Variants in TNKS observed in about 807,000 individuals in gnomAD.
The protein encoded by TNKS is tankyrase, also known as poly [ADP-ribose] polymerase tankyrase-1.
In TNKS, 72 loss-of-function variants were observed where a neutral mutation model predicts 135.8. That is an observed-to-expected ratio of 0.53 (90% CI 0.44 to 0.64). TNKS has a LOEUF of 0.64. Ranked by LOEUF, TNKS falls within the 30% of genes least tolerant of loss-of-function variation. The probability of loss-of-function intolerance (pLI) is 0.00; values close to 1 mark genes in which losing one functional copy is unlikely to be tolerated. For synonymous variants in TNKS, 849 were observed against 649.3 expected (o/e 1.31, Z -4.68); for missense variants, 1,769 against 1,674.0 (o/e 1.06, Z -0.99).
At chr8:9,608,022 C>T (rs6651501) in intron 2 of TNKS, among the ~76,000 whole-genome samples, 43,728 of 151,972 alleles carry the variant, frequency 0.29, 6,577 homozygotes, top group East Asian at 0.38. Flanking sequence ...TCACTGCAGC[C>T]TTCACCTCCT....
chr8:9,565,188 T>C (rs1432951007), intron 1 of TNKS, among the ~76,000 whole-genome samples: 1 of 152,334 alleles, frequency 6.6e-6, no homozygotes, highest in African/African-American at 2.4e-5. Flanking sequence ...GGTATCTGTT[T>C]ATAGAATTAA....
Position 9,726,664 on chromosome 8 carries a change from G to C in TNKS, c.1945G>C (p.Asp649His). 1 of 1,613,288 alleles carries C rather than the reference G, an allele frequency of 6.2e-7. No homozygotes were observed. Among genetic ancestry groups the C allele is most frequent in the Non-Finnish European group, 8.5e-7 (1 of 1,179,708 alleles). ...AGAGAGTACACCTATACGTACTTCT[G>C]ATGTTGATTATCGACTCTTAGAGGC... Reference protein sequence around the residue: ...LSESTPIRTSDVDYRLLEASK... With the variant: ...LSESTPIRTSHVDYRLLEASK... Residue 649 changes from aspartate to histidine, a missense_variant, in exon 13 of 27, where the codon GAT (aspartate) becomes CAT (histidine). Transcript: ENST00000310430.
chr8:9,752,909 G>C (rs1266259102), intron 20 of TNKS, among the ~76,000 whole-genome samples: 4 of 150,918 alleles, frequency 2.7e-5, no homozygotes, highest in Admixed American at 6.6e-5. Flanking sequence ...AAACTGCAGT[G>C]AGCTGTGATT....
chr8:9,607,964 G>A (rs1452839513), intron 2 of TNKS, among the ~76,000 whole-genome samples: 1 of 151,404 alleles, frequency 6.6e-6, no homozygotes, highest in Non-Finnish European at 1.5e-5. Flanking sequence ...TTTTAAGACA[G>A]GGTTTCACAT....
intron 3 of TNKS, among the ~76,000 whole-genome samples, chr8:9,642,608 G>A (rs1800767748): frequency 6.8e-6 from 1 of 146,158 alleles, no homozygotes; most frequent in Non-Finnish European, 1.5e-5. Flanking sequence ...ATCTTTCAGT[G>A]TTCTTGAAAT....
Position 9,746,531 on chromosome 8 carries a change from T to G in TNKS, c.2644-1493T>G, listed in dbSNP as rs1403619426. On this transcript the variant is annotated intron_variant, in intron 17 of 26. Transcript: ENST00000310430. ...TCTCCTCTGAGGATTTTTCTTCCAC[T>G]CTCCTTTTCCAAAATATTGTTGTTT... Among the ~76,000 whole-genome samples, 3 of 152,176 alleles carry G rather than the reference T, an allele frequency of 2.0e-5. No individual in the cohort carries two copies. The East Asian group carries it at 5.8e-4, about 29-fold the overall frequency.
intron 26 of TNKS, among the ~76,000 whole-genome samples, chr8:9,773,190 C>G (rs984160338): frequency 1.3e-5 from 2 of 151,840 alleles, no homozygotes; most frequent in Admixed American, 6.6e-5. Flanking sequence ...GTGATAGTCA[C>G]AAACACACAC....
At chr8:9,764,923 G>C (rs550042839) in intron 23 of TNKS, 133 bp downstream of exon 23, 1 of 582,226 alleles carries the variant, frequency 1.7e-6, no homozygotes, top group Non-Finnish European at 2.9e-6. Flanking sequence ...TCTGAAGTCA[G>C]ATAGCACTCT....
At chr8:9,581,867 C>T (rs1227184942) in intron 2 of TNKS, among the ~76,000 whole-genome samples, 1 of 152,104 alleles carries the variant, frequency 6.6e-6, no homozygotes, top group Non-Finnish European at 1.5e-5. Context: ...TGTAAATGCT[C>T]TTTTTATCTA....
intron 5 of TNKS, 26 bp downstream of exon 5, chr8:9,680,826 T>C: frequency 6.3e-7 from 1 of 1,589,648 alleles, no homozygotes; most frequent in South Asian, 1.1e-5. Context: ...TACAATCCTC[T>C]TTAATTGCAA....
At chr8:9,565,078 C>T (rs1160264846) in intron 1 of TNKS, among the ~76,000 whole-genome samples, 2 of 151,448 alleles carry the variant, frequency 1.3e-5, no homozygotes, top group African/African-American at 4.8e-5. Flanking sequence ...TTTGTGTGCC[C>T]GTTGTTTTTC....
intron 3 of TNKS, among the ~76,000 whole-genome samples, chr8:9,657,636 TG>T (rs1801460300): frequency 1.2e-5 from 1 of 83,794 alleles, no homozygotes; most frequent in African/African-American, 4.7e-5. Flanking sequence ...ACGGGGCGGC[TG>T]GCCGGGTGGG....
At chr8:9,762,359 T>C (rs1807188398) in intron 21 of TNKS, among the ~76,000 whole-genome samples, 1 of 152,268 alleles carries the variant, frequency 6.6e-6, no homozygotes, top group Non-Finnish European at 1.5e-5. Context: ...CTTATTTATC[T>C]GTATTTTAGT....
intron 19 of TNKS, among the ~76,000 whole-genome samples, chr8:9,752,175 T>G (rs896833258): frequency 3.3e-5 from 5 of 152,278 alleles, no homozygotes; most frequent in Middle Eastern, 3.4e-3. Flanking sequence ...TTTAGATTTT[T>G]TAATTCATTA....
intron 3 of TNKS, among the ~76,000 whole-genome samples, chr8:9,676,307 C>T (rs907443022): frequency 6.6e-6 from 1 of 152,138 alleles, no homozygotes; most frequent in African/African-American, 2.4e-5. Flanking sequence ...GCCACCATGC[C>T]TGGCCCAGAA....
At chr8:9,763,889 CTTGT>C (rs751349826) in intron 22 of TNKS, among the ~76,000 whole-genome samples, 40 of 152,188 alleles carry the variant, frequency 2.6e-4, no homozygotes, top group Admixed American at 1.1e-3. Context: ...ATGCCTAATT[CTTGT>C]TTGTTTGTTT....
At chr8:9,659,225 C>A (rs1801576654) in intron 3 of TNKS, among the ~76,000 whole-genome samples, 1 of 152,188 alleles carries the variant, frequency 6.6e-6, no homozygotes, top group African/African-American at 2.4e-5. Context: ...CCGCTCTGCA[C>A]CAAGTGGACC....
chr8:9,741,651 G>C (rs1805965292), intron 17 of TNKS: 1 of 493,256 alleles, frequency 2.0e-6, no homozygotes, highest in African/African-American at 2.0e-5. Flanking sequence ...TTTACCTTTT[G>C]ATCCCCATCA....
intron 2 of TNKS, among the ~76,000 whole-genome samples, chr8:9,590,988 C>T (rs549131070): frequency 1.3e-4 from 20 of 152,178 alleles, no homozygotes; most frequent in African/African-American, 3.9e-4. Flanking sequence ...ATTGTCGAAC[C>T]CTAGATCATG....
Sources: gnomAD v4.1 joint callset for allele counts (sites outside exome capture counted in the v4.1 genomes callset) on GRCh38, gnomAD v4.1.1 for gene constraint, MANE v1.5 for transcripts, NCBI Gene and HGNC (gene_info 2026-07-23, HGNC 2026-07-21) for gene names.